IHO1: variants seen among roughly 807,000 people sequenced by gnomAD.
IHO1 encodes the protein interactor of HORMAD1 protein 1.
In IHO1, 13 loss-of-function variants were observed where a neutral mutation model predicts 31.0. The ratio of observed to expected loss-of-function variants is 0.42; its 90% CI spans 0.27 to 0.67. IHO1 has a LOEUF of 0.67. Ranked by LOEUF, IHO1 falls within the 30% of genes least tolerant of loss-of-function variation. IHO1 has a pLI of 0.24. For synonymous variants in IHO1, 221 were observed against 248.4 expected, an observed-to-expected ratio of 0.89 and a Z score of 1.04; for missense variants, 599 against 687.5, an observed-to-expected ratio of 0.87 and a Z score of 1.44.
At chr3:49,228,951 G>A (rs1031317201) in intron 2 of IHO1, among the ~76,000 whole-genome samples, 1 of 152,158 alleles carries the variant, frequency 6.6e-6, no homozygotes, top group Non-Finnish European at 1.5e-5. Flanking sequence ...AGAGATGACT[G>A]GTCCATTTTA....
chr3:49,210,433 G>A lies in IHO1; in HGVS notation c.-15-1333G>A, dbSNP rs940823042. Among the ~76,000 whole-genome samples, 18 of 149,532 alleles carry A rather than the reference G, an allele frequency of 1.2e-4. No individual in the cohort carries two copies. The East Asian group carries it at 3.2e-3, about 26-fold the overall frequency. ...TTTTTTTTGAGGCAGAGTCTCACTC[G>A]ATCGCCCAGGCTGGAGTGCAGTGGC... On this transcript the variant is annotated intron_variant, in intron 1 of 7. Coordinates refer to ENST00000452691, the MANE Select transcript of IHO1 (RefSeq NM_001135197.2).
intron 2 of IHO1, among the ~76,000 whole-genome samples, chr3:49,219,050 T>C (rs1443922712): frequency 6.6e-6 from 1 of 152,138 alleles, no homozygotes; most frequent in Non-Finnish European, 1.5e-5. Context: ...GGCTCATGCT[T>C]GTAATCCCAG....
intron 1 of IHO1, among the ~76,000 whole-genome samples, chr3:49,211,451 A>T (rs1176547425): frequency 6.6e-6 from 1 of 151,962 alleles, no homozygotes; most frequent in Non-Finnish European, 1.5e-5. Flanking sequence ...CTATTTATTT[A>T]CTTATTTTTT....
intron 2 of IHO1, 21 bp from the exon 3 acceptor site, chr3:49,236,527 C>CT (rs772151352): frequency 1.5e-4 from 224 of 1,540,328 alleles, no homozygotes; most frequent in African/African-American, 2.0e-4. Flanking sequence ...ATTTGATACA[C>CT]TTTTTTTTGC....
chr3:49,244,265 G>C, intron 4 of IHO1, 139 bp from the exon 5 acceptor site: 1 of 628,510 alleles, frequency 1.6e-6, no homozygotes, highest in South Asian at 1.9e-5. Flanking sequence ...GGTTTCTCAG[G>C]GTCAAGTCTT....
At chr3:49,200,726 G>C (rs908317537) in intron 1 of IHO1, among the ~76,000 whole-genome samples, 16 of 152,132 alleles carry the variant, frequency 1.1e-4, no homozygotes, top group African/African-American at 3.9e-4. Context: ...AGTGAGAGGT[G>C]AAAGTTTTTA....
intron 2 of IHO1, among the ~76,000 whole-genome samples, chr3:49,212,755 G>A (rs1007297856): frequency 6.6e-6 from 1 of 152,146 alleles, no homozygotes; most frequent in African/African-American, 2.4e-5. Context: ...TGAAGCTGCA[G>A]ACCTTTGCGG....
upstream of IHO1, among the ~76,000 whole-genome samples, chr3:49,195,512 TA>T (rs1393040771): frequency 1.3e-5 from 2 of 149,272 alleles, no homozygotes; most frequent in East Asian, 2.0e-4. Flanking sequence ...GGTCAGGAGA[TA>T]GAGACCATCC....
chr3:49,225,494 G>T, intron 2 of IHO1, among the ~76,000 whole-genome samples: 1 of 152,102 alleles, frequency 6.6e-6, no homozygotes, highest in South Asian at 2.1e-4. Context: ...TTGTCCTGTG[G>T]GAAGGCTTAA....
intron 1 of IHO1, among the ~76,000 whole-genome samples, chr3:49,210,294 T>C (rs915773868): frequency 6.6e-6 from 1 of 152,088 alleles, no homozygotes; most frequent in Non-Finnish European, 1.5e-5. Context: ...TGGAGTATAG[T>C]GGCACAATCT....
chr3:49,200,444 G>A (rs1358446496), intron 1 of IHO1: 6 of 344,634 alleles, frequency 1.7e-5, no homozygotes, highest in African/African-American at 3.1e-5. Context: ...CAGCCTGGGC[G>A]ACAGAGTGAG....
rs911251126 is a variant in IHO1 at position 49,257,381 on chromosome 3, C to T, written c.*99C>T. On this transcript the variant is annotated 3_prime_UTR_variant, in exon 8 of 8. Coordinates refer to ENST00000452691, the MANE Select transcript of IHO1 (RefSeq NM_001135197.2). ...AAGTCCCTGAAGCCTGCCAAGTACC[C>T]AGGGTCAGAGGCCCTGCTGAGGTGG... 8.0e-7 allele frequency: 1 copy of T among 1,254,934 alleles called. No individual in the cohort carries two copies. The highest frequency in any genetic ancestry group is 1.5e-5 in the African/African-American group (1 of 67,052). The allele number at this position is 1,254,934 out of a possible 1,614,324, so 77.7% of individuals were successfully genotyped here.
intron 3 of IHO1, among the ~76,000 whole-genome samples, chr3:49,239,116 C>T (rs990911757): frequency 3.9e-5 from 6 of 152,128 alleles, no homozygotes; most frequent in African/African-American, 4.8e-5. Context: ...GGATTATAGG[C>T]GCCTGCCCCC....
upstream of IHO1, among the ~76,000 whole-genome samples, chr3:49,195,892 G>A (rs1265977045): frequency 2.0e-5 from 3 of 149,836 alleles, no homozygotes; most frequent in Non-Finnish European, 3.0e-5. Flanking sequence ...ACGAGGTCAG[G>A]AGATGAGACC....
intron 4 of IHO1, among the ~76,000 whole-genome samples, chr3:49,242,213 C>T (rs1259129916): frequency 6.6e-6 from 1 of 152,090 alleles, no homozygotes; most frequent in Non-Finnish European, 1.5e-5. Context: ...AAAGTGCTGG[C>T]ATTACAAGCA....
At chr3:49,212,347 TA>T (rs60105146) in intron 2 of IHO1, among the ~76,000 whole-genome samples, 107,965 of 147,454 alleles carry the variant, frequency 0.73, 39,815 homozygotes, top group East Asian at 0.99. Context: ...CCATCTCCAC[TA>T]AAAAAAAAAA....
intron 2 of IHO1, among the ~76,000 whole-genome samples, chr3:49,224,444 A>G (rs1358141211): frequency 6.6e-6 from 1 of 152,226 alleles, no homozygotes; most frequent in African/African-American, 2.4e-5. Flanking sequence ...GTGGTATTTA[A>G]TGGGGGTTCT....
In IHO1 at chr3:49,255,384, A is replaced by G; in HGVS notation, c.533-6A>G. The G allele has an allele frequency of 1.3e-6, 2 of 1,580,740 alleles. No individual in the cohort carries two copies. Among genetic ancestry groups the G allele is most frequent in the Non-Finnish European group, 1.7e-6 (2 of 1,166,898 alleles). On this transcript the variant is annotated splice_polypyrimidine_tract_variant and splice_region_variant and intron_variant, in intron 6 of 7. Transcript: ENST00000452691. ...AGGAGGTGAACTGTCACTGTTTTGT[A>G]TTTAGTACAAGAGACTATACAGGCC...
chr3:49,239,772 C>T (rs900448298), intron 3 of IHO1, among the ~76,000 whole-genome samples: 78 of 151,976 alleles, frequency 5.1e-4, no homozygotes, highest in Admixed American at 8.5e-4. Context: ...AAGCAATTCT[C>T]CTGCCTCAGT....
Sources: gnomAD v4.1 joint callset for allele counts (sites outside exome capture counted in the v4.1 genomes callset) on GRCh38, gnomAD v4.1.1 for gene constraint, MANE v1.5 for transcripts, NCBI Gene and HGNC (gene_info 2026-07-23, HGNC 2026-07-21) for gene names.